The following MAST4 variants were observed in gnomAD, a reference collection of about 807,000 sequenced individuals.
MAST4 encodes the protein microtubule associated serine/threonine kinase family member 4.
MAST4 carries 89 observed loss-of-function variants against 162.7 expected under a neutral mutation model. That is an observed-to-expected ratio of 0.55 (90% confidence interval 0.46 to 0.65). The LOEUF (loss-of-function observed/expected upper bound fraction) is 0.65, where lower values mean the gene tolerates loss of function less well. Among genes scored for constraint, MAST4 ranks in the 30% least tolerant of loss-of-function variants. MAST4 has a pLI of 0.00. For synonymous variants in MAST4, 1,479 were observed against 1,361.1 expected (o/e 1.09, Z -1.91); for missense variants, 3,153 against 3,374.0 (o/e 0.93, Z 1.62).
intron 3 of MAST4, among the ~76,000 whole-genome samples, chr5:66,866,543 T>C (rs1275741100): frequency 1.3e-5 from 2 of 152,242 alleles, no homozygotes; most frequent in Admixed American, 6.5e-5. Flanking sequence ...TTTTTGACTT[T>C]GTATAATCCT....
Position 67,136,590 on chromosome 5 carries a change from A to G in MAST4, c.2420A>G (p.Glu807Gly). 6.2e-7 allele frequency: 1 copy of G among 1,605,932 alleles called. No individual in the cohort carries two copies. The highest frequency in any genetic ancestry group is 1.1e-5 in the South Asian group (1 of 88,842). ...SDEINWPEKD[E>G]APPPDAQDLI... ...GAGATCAACTGGCCTGAGAAGGATGAGGCACCCCCACCTGATGCCCAGGAT... is the reference window on the plus strand; with the variant it reads ...GAGATCAACTGGCCTGAGAAGGATGGGGCACCCCCACCTGATGCCCAGGAT... The change falls in exon 19 of 29, where the codon GAG becomes GGG. Residue 807 changes from glutamate to glycine, a missense_variant. This residue lies in a region of MAST4 where 62 missense variants were observed against 63.1 expected (regional missense o/e 0.98). Transcript: ENST00000403625.
At chr5:67,156,593 A>G (rs781095691) in intron 26 of MAST4, among the ~76,000 whole-genome samples, 5 of 152,202 alleles carry the variant, frequency 3.3e-5, no homozygotes, top group Non-Finnish European at 7.3e-5. Flanking sequence ...TTCAGTATAT[A>G]GTCAGGGGTG....
At chr5:67,090,322 T>TCCCCG (rs1763695230) in intron 6 of MAST4, 91 bp downstream of exon 6, 2 of 587,216 alleles carry the variant, frequency 3.4e-6, no homozygotes, top group Non-Finnish European at 2.6e-6. Context: ...TCCCCACTTC[T>TCCCCG]TCCCGTCCCC....
At chr5:66,834,627 T>G (rs2149768104) in intron 3 of MAST4, among the ~76,000 whole-genome samples, 1 of 152,306 alleles carries the variant, frequency 6.6e-6, no homozygotes, top group Admixed American at 6.5e-5. Flanking sequence ...AAGTCAGTGT[T>G]CAGGTGTTCA....
intron 3 of MAST4, chr5:66,870,849 A>G (rs1176999897): frequency 4.2e-6 from 2 of 471,504 alleles, no homozygotes; most frequent in Middle Eastern, 3.2e-4. Flanking sequence ...CAGCTGCTTC[A>G]AAAGTGAGTG....
intron 1 of MAST4, among the ~76,000 whole-genome samples, chr5:66,681,242 GA>G (rs1748310188): frequency 6.6e-6 from 1 of 152,184 alleles, no homozygotes; most frequent in South Asian, 2.1e-4. Flanking sequence ...TTATTTAACA[GA>G]AAAAGACCCA....
chr5:66,959,007 A>C, intron 4 of MAST4: 1 of 471,176 alleles, frequency 2.1e-6, no homozygotes, highest in South Asian at 5.2e-5. Context: ...GCAGAGCTGC[A>C]AGCCTCGTTC....
At chr5:67,008,730 A>G (rs1752327285) in intron 4 of MAST4, among the ~76,000 whole-genome samples, 2 of 152,108 alleles carry the variant, frequency 1.3e-5, no homozygotes, top group Admixed American at 1.3e-4. Context: ...TCTGAGAACC[A>G]AAAAAGAAGT....
At chr5:67,089,155 G>C (rs1763567889) in intron 5 of MAST4, among the ~76,000 whole-genome samples, 1 of 152,122 alleles carries the variant, frequency 6.6e-6, no homozygotes, top group Non-Finnish European at 1.5e-5. Context: ...CCTTTTTCTA[G>C]AAGGTACAGG....
chr5:67,049,021 A>ATG, intron 4 of MAST4, among the ~76,000 whole-genome samples: 1 of 103,942 alleles, frequency 9.6e-6, no homozygotes, highest in South Asian at 3.1e-4. Flanking sequence ...ATATATATAT[A>ATG]CGTATATATA....
intron 3 of MAST4, among the ~76,000 whole-genome samples, chr5:66,879,123 C>T (rs1231437252): frequency 6.6e-6 from 1 of 151,814 alleles, no homozygotes; most frequent in Non-Finnish European, 1.5e-5. Context: ...ACTAAAAATA[C>T]AAAAAATTAG....
intron 2 of MAST4, among the ~76,000 whole-genome samples, chr5:66,764,758 TTTAAAA>T (rs1459567005): frequency 6.6e-6 from 1 of 152,198 alleles, no homozygotes; most frequent in Non-Finnish European, 1.5e-5. Context: ...AGTCAGAAAG[TTTAAAA>T]TTAAGAAGTT....
Position 66,656,598 on chromosome 5 carries a change from A to T in MAST4, c.363+59580A>T, listed in dbSNP as rs540321740. ...CTGTGGGGGTGGGACTCTAGATTCG[A>T]TTAAAAAAACTCTGATATCCTCTCT... is the stretch of plus-strand genomic sequence containing the variant. On this transcript the variant is annotated intron_variant, in intron 1 of 28. Coordinates refer to ENST00000403625, the MANE Select transcript of MAST4 (RefSeq NM_001164664.2). Among the ~76,000 whole-genome samples, 4 of 152,292 alleles carry T rather than the reference A, an allele frequency of 2.6e-5. No individual in the cohort carries two copies. In the East Asian group the frequency reaches 7.7e-4, roughly 29 times the overall value.
At chr5:66,769,076 T>C (rs55715220) in intron 2 of MAST4, among the ~76,000 whole-genome samples, 3 of 152,304 alleles carry the variant, frequency 2.0e-5, no homozygotes, top group Non-Finnish European at 2.9e-5. Context: ...CTTGAAAGCA[T>C]TGACAGCCCA....
At chr5:67,022,971 G>A (rs1489797324) in intron 4 of MAST4, among the ~76,000 whole-genome samples, 1 of 151,938 alleles carries the variant, frequency 6.6e-6, no homozygotes, top group African/African-American at 2.4e-5. Context: ...CTACCTTTTG[G>A]TGCAAGCATG....
At chr5:67,103,391 A>G (rs550755653) in intron 9 of MAST4, among the ~76,000 whole-genome samples, 3 of 152,338 alleles carry the variant, frequency 2.0e-5, no homozygotes, top group Non-Finnish European at 2.9e-5. Context: ...TATTATTTGC[A>G]ACTAACCCAA....
chr5:66,919,907 TC>T (rs1764389263), intron 4 of MAST4, among the ~76,000 whole-genome samples: 2 of 1,806 alleles, frequency 1.1e-3, no homozygotes, highest in African/African-American at 2.3e-3. Context: ...TCTCCTTCCT[TC>T]CTTCCTTCCT....
intron 1 of MAST4, among the ~76,000 whole-genome samples, chr5:66,749,960 T>G (rs574105555): frequency 6.6e-6 from 1 of 152,338 alleles, no homozygotes; most frequent in South Asian, 2.1e-4. Context: ...TCATTTCAGG[T>G]TGCCAATTTG....
chr5:66,609,761 C>T (rs900882988), intron 1 of MAST4, among the ~76,000 whole-genome samples: 1 of 146,196 alleles, frequency 6.8e-6, no homozygotes, highest in African/African-American at 2.5e-5. Context: ...CAGTTCTGGA[C>T]TAAGCTATTG....
Sources: gnomAD v4.1 joint callset for allele counts (sites outside exome capture counted in the v4.1 genomes callset) on GRCh38, gnomAD v4.1.1 for gene constraint, gnomAD v4.1.1 regional missense constraint, MANE v1.5 for transcripts, NCBI Gene and HGNC (gene_info 2026-07-23, HGNC 2026-07-21) for gene names.